SLC24A1: variants seen among roughly 807,000 people sequenced by gnomAD.
SLC24A1 encodes sodium/potassium/calcium exchanger 1.
SLC24A1 carries 52 observed loss-of-function variants against 88.1 expected under a neutral mutation model. The ratio of observed to expected loss-of-function variants is 0.59; its 90% CI spans 0.47 to 0.74. The LOEUF is 0.74. SLC24A1 is among the 30% of genes least tolerant of loss of function. SLC24A1 has a pLI of 0.00. For missense variants in SLC24A1, 1,173 were observed against 1,363.3 expected (o/e 0.86, Z 2.20); for synonymous variants, 455 against 498.0 (o/e 0.91, Z 1.15).
At chr15:65,651,339 G>A (rs1297200006) in intron 7 of SLC24A1, among the ~76,000 whole-genome samples, 1 of 152,108 alleles carries the variant, frequency 6.6e-6, no homozygotes, top group East Asian at 1.9e-4. Context: ...GGAAAGGTCT[G>A]ACCAGAAAGG....
chr15:65,657,037 T>G (rs543586054), downstream of SLC24A1, among the ~76,000 whole-genome samples: 21 of 151,988 alleles, frequency 1.4e-4, no homozygotes, highest in East Asian at 4.1e-3. Context: ...ACCCAGCTGA[T>G]TTTTGTATTT....
At position 65,654,107 on chromosome 15, in the gene SLC24A1, TG is replaced by T. The variant is rs1175025936; in HGVS notation, c.*30del. ...CAGTCACTCTTGCTCACAATGGGCA[TG>T]GATCAGAAGACCATGCAGAAGTTAC... On this transcript the variant is annotated 3_prime_UTR_variant, in exon 10 of 10. Transcript: ENST00000261892. 49 of 1,603,692 alleles carry T rather than the reference TG, an allele frequency of 3.1e-5. No homozygotes were observed. Among genetic ancestry groups the T allele is most frequent in the Non-Finnish European group, 4.2e-5 (49 of 1,173,584 alleles).
At chr15:65,615,404 C>T (rs925400021) in intron 2 of SLC24A1, among the ~76,000 whole-genome samples, 7 of 152,110 alleles carry the variant, frequency 4.6e-5, no homozygotes, top group African/African-American at 7.2e-5. Flanking sequence ...GCTGGGAGGC[C>T]GGGCACGGTG....
chr15:65,614,870 G>A (rs1462425612), intron 2 of SLC24A1, among the ~76,000 whole-genome samples: 1 of 152,206 alleles, frequency 6.6e-6, no homozygotes, highest in Non-Finnish European at 1.5e-5. Flanking sequence ...AAACTTGGTA[G>A]ATACTACATT....
chr15:65,621,509 T>A (rs2074317359), upstream of SLC24A1, among the ~76,000 whole-genome samples: 1 of 152,230 alleles, frequency 6.6e-6, no homozygotes, highest in Admixed American at 6.5e-5. Context: ...GATTCTCACA[T>A]TCACCTTACA....
chr15:65,619,189 T>G (rs2074242193), upstream of SLC24A1, among the ~76,000 whole-genome samples: 1 of 152,220 alleles, frequency 6.6e-6, no homozygotes, highest in African/African-American at 2.4e-5. Flanking sequence ...ATTCTCTCAC[T>G]GTTACTCTAA....
chr15:65,650,991 T>TG lies in SLC24A1; in HGVS notation c.2793+53dup. The TG allele has an allele frequency of 6.6e-7, 1 of 1,524,900 alleles. No individual in the cohort carries two copies. Among genetic ancestry groups the TG allele is most frequent in the Non-Finnish European group, 9.1e-7 (1 of 1,099,184 alleles). The allele number at this position is 1,524,900 out of a possible 1,614,324, so 94.5% of individuals were successfully genotyped here. A position where few individuals can be genotyped will look rare whatever the true frequency, so the allele number is the denominator to read the frequency against. On this transcript the variant is annotated intron_variant, in intron 7 of 9. Coordinates refer to ENST00000261892, the MANE Select transcript of SLC24A1 (RefSeq NM_004727.3). This position sits in a 1 kb window ranked among gnomAD's most constrained non-coding sequence, Gnocchi z 4.1. ...AGACTCTTTATCCCCAGCAGGGCTG[T>TG]GGGGTCTCTCGGCATGCGGGGCTCA... is the stretch of plus-strand genomic sequence containing the variant.
At chr15:65,656,291 C>T (rs1465033357), downstream of SLC24A1, 1 of 978,574 alleles carries the variant, frequency 1.0e-6, no homozygotes, top group East Asian at 1.1e-4. Flanking sequence ...GAATTTCTGG[C>T]ATACCCCTTT....
chr15:65,653,782 A>G, intron 9 of SLC24A1, 48 bp from the exon 10 acceptor site: 5 of 1,588,098 alleles, frequency 3.1e-6, no homozygotes, highest in Non-Finnish European at 4.3e-6. Flanking sequence ...AGTGTATGGG[A>G]TTATTATAAA....
At position 65,634,126 on chromosome 15, in the gene SLC24A1, A is replaced by C. The variant is rs144454273; in HGVS notation, c.1891-4002A>C. 4.1e-3 allele frequency among the ~76,000 whole-genome samples: 630 copies of C among 152,252 alleles called. 6 individuals carry two copies. The highest frequency in any genetic ancestry group is 0.015 in the African/African-American group (603 of 41,524). ...CAATACTGTATTCAGTGAAGGGCTA[A>C]AGTGAAGTGTGCTCTACCTGAGAGA... On this transcript the variant is annotated intron_variant, in intron 2 of 9. Transcript: ENST00000261892.
At chr15:65,642,880 G>C (rs2075176302) in intron 4 of SLC24A1, 8 of 614,374 alleles carry the variant, frequency 1.3e-5, no homozygotes, top group South Asian at 1.2e-4. Context: ...CAGCTTCCCA[G>C]ATTGCACTTT....
chr15:65,655,824 T>C lies in SLC24A1; in HGVS notation c.*1745T>C, dbSNP rs1378871163. The C allele has an allele frequency of 1.0e-6, 1 of 984,764 alleles. No individual in the cohort carries two copies. Among genetic ancestry groups the C allele is most frequent in the African/African-American group, 1.7e-5 (1 of 57,236 alleles). The allele number at this position is 984,764 out of a possible 1,614,324, so 61.0% of individuals were successfully genotyped here. A position where few individuals can be genotyped will look rare whatever the true frequency, so the allele number is the denominator to read the frequency against. On this transcript the variant is annotated 3_prime_UTR_variant, in exon 10 of 10. Coordinates refer to ENST00000261892, the MANE Select transcript of SLC24A1 (RefSeq NM_004727.3). ...GATTCTCATTCTTTGGAAATAATTTTTATTAAATTTCAATAAACTGTGAAT... is the reference window on the plus strand; with the variant it reads ...GATTCTCATTCTTTGGAAATAATTTCTATTAAATTTCAATAAACTGTGAAT...
In SLC24A1 at chr15:65,624,733, C is replaced by G; in HGVS notation, c.653C>G (p.Thr218Arg). 6.2e-7 allele frequency: 1 copy of G among 1,612,964 alleles called. No homozygotes were observed. The highest frequency in any genetic ancestry group is 8.5e-7 in the Non-Finnish European group (1 of 1,179,366). Residue 218 changes from threonine to arginine, a missense_variant, in exon 2 of 10, where the codon ACA becomes AGA. Physicochemically the swap from Thr to Arg is moderately conservative, Grantham distance 71. Coordinates refer to ENST00000261892, the MANE Select transcript of SLC24A1 (RefSeq NM_004727.3). ...METSHAITPR[T>R]TVKDSDITAT... ...ACAAGCCATGCGATCACCCCCAGGA[C>G]AACAGTGAAAGACAGTGACATTACA...
intron 9 of SLC24A1, among the ~76,000 whole-genome samples, chr15:65,653,622 T>C (rs760997737): frequency 2.6e-5 from 4 of 152,032 alleles, no homozygotes; most frequent in Non-Finnish European, 4.4e-5. Flanking sequence ...TAACCTAAGC[T>C]CTTCTAGTTA....
chr15:65,660,249 C>A (rs560509050), downstream of SLC24A1: 2 of 1,525,710 alleles, frequency 1.3e-6, no homozygotes, highest in East Asian at 4.9e-5. Context: ...TGAAGTTTTA[C>A]ATTTTTAAAC....
rs1161337628 is a variant in SLC24A1, at chr15:65,650,433, G to A, written c.2284G>A (p.Glu762Lys). ...STGEMPGEEG[E>K]TAGEGETEEK... ...AGGTGAAATGCCAGGCGAAGAGGGCGAAACTGCTGGTGAAGGTGAAACTGA... is the reference window on the plus strand; with the variant it reads ...AGGTGAAATGCCAGGCGAAGAGGGCAAAACTGCTGGTGAAGGTGAAACTGA... Residue 762 changes from glutamate to lysine, a missense_variant, in exon 7 of 10, where the codon GAA becomes AAA. Transcript: ENST00000261892. The surrounding 1 kb of genome is among the most constrained non-coding windows in gnomAD (Gnocchi z 4.1). The A allele has an allele frequency of 4.5e-6, 7 of 1,551,616 alleles. No homozygotes were observed. The highest frequency in any genetic ancestry group is 2.4e-5 in the South Asian group (2 of 84,064).
At chr15:65,619,803 C>G (rs927080989), upstream of SLC24A1, among the ~76,000 whole-genome samples, 1 of 152,098 alleles carries the variant, frequency 6.6e-6, no homozygotes, top group African/African-American at 2.4e-5. Flanking sequence ...TTCCTCACCC[C>G]CTTATCTTAT....
At chr15:65,657,403 A>T (rs895056512), downstream of SLC24A1, among the ~76,000 whole-genome samples, 1 of 152,136 alleles carries the variant, frequency 6.6e-6, no homozygotes, top group Non-Finnish European at 1.5e-5. Flanking sequence ...GCACTTTGGG[A>T]GGCCAAGGTG....
chr15:65,616,217 G>A (rs778045415), intron 2 of SLC24A1, among the ~76,000 whole-genome samples: 2 of 152,244 alleles, frequency 1.3e-5, no homozygotes, highest in South Asian at 2.1e-4. Context: ...ATAGTAGCAT[G>A]ATTTATAATC....
Sources: allele counts gnomAD v4.1 joint callset (sites outside exome capture counted in the v4.1 genomes callset), GRCh38; gene constraint gnomAD v4.1.1; non-coding constraint Gnocchi (gnomAD v3.1); transcripts MANE v1.5; gene names NCBI Gene and HGNC (gene_info 2026-07-23, HGNC 2026-07-21).